MATN2: variants seen among roughly 807,000 people sequenced by gnomAD.
MATN2 encodes matrilin 2, also known as matrilin-2.
MATN2 carries 69 observed loss-of-function variants against 103.2 expected under a neutral mutation model. The observed-to-expected ratio is 0.67, with a 90% confidence interval of 0.55 to 0.82. The LOEUF (loss-of-function observed/expected upper bound fraction) is 0.82, where lower values mean the gene tolerates loss of function less well. MATN2 is among the 40% of genes least tolerant of loss of function. The probability of loss-of-function intolerance (pLI) is 0.00; values close to 1 mark genes in which losing one functional copy is unlikely to be tolerated. For missense variants in MATN2, 1,023 were observed against 1,211.5 expected (o/e 0.84, Z 2.31); for synonymous variants, 429 against 450.2 (o/e 0.95, Z 0.60).
Position 98,018,762 on chromosome 8 carries a change from C to T in MATN2, c.1819+646C>T, listed in dbSNP as rs181642170. 1.4e-3 allele frequency among the ~76,000 whole-genome samples: 214 copies of T among 152,090 alleles called. 2 individuals are homozygous for T. Among genetic ancestry groups the T allele is most frequent in the African/African-American group, 4.8e-3 (200 of 41,488 alleles). ...CACAATCAGAATAGCACAGGAAAGC[C>T]CCGTCCCCATGATTCAATTACCTCC... On this transcript the variant is annotated intron_variant, in intron 12 of 18. Transcript: ENST00000254898.
chr8:97,919,359 A>G (rs1488932417), intron 2 of MATN2, among the ~76,000 whole-genome samples: 2 of 152,056 alleles, frequency 1.3e-5, no homozygotes, highest in Admixed American at 1.3e-4. Context: ...CAGCCTCCCG[A>G]GTAGCTGGGA....
intron 1 of MATN2, among the ~76,000 whole-genome samples, chr8:97,877,094 C>A (rs185349454): frequency 6.6e-6 from 1 of 151,426 alleles, no homozygotes; most frequent in Admixed American, 6.6e-5. Context: ...CAGCCTCAAC[C>A]TCCTGGTGCT....
At chr8:98,027,970 C>T (rs1586172890) in intron 14 of MATN2, 141 bp downstream of exon 14, 1 of 796,146 alleles carries the variant, frequency 1.3e-6, no homozygotes, top group Non-Finnish European at 1.9e-6. Flanking sequence ...TACATCTTTA[C>T]TACCCTGCCA....
At chr8:97,988,418 G>A (rs899289830) in intron 6 of MATN2, among the ~76,000 whole-genome samples, 1 of 151,592 alleles carries the variant, frequency 6.6e-6, no homozygotes, top group Non-Finnish European at 1.5e-5. Flanking sequence ...TTGAGTCCAG[G>A]AGTTCTAGAT....
chr8:97,938,456 G>A (rs1810451942), intron 3 of MATN2, among the ~76,000 whole-genome samples: 1 of 152,178 alleles, frequency 6.6e-6, no homozygotes, highest in Admixed American at 6.5e-5. Context: ...TGTTTAAAGT[G>A]AGACCCAGTC....
intron 4 of MATN2, among the ~76,000 whole-genome samples, chr8:97,956,145 G>A (rs1364278497): frequency 2.0e-5 from 3 of 152,196 alleles, no homozygotes; most frequent in Non-Finnish European, 4.4e-5. Context: ...CTTATAGGCA[G>A]AGAGTAGGTA....
intron 2 of MATN2, 83 bp downstream of exon 2, chr8:97,888,325 GAGA>G: frequency 1.5e-6 from 2 of 1,358,594 alleles, no homozygotes; most frequent in Non-Finnish European, 1.9e-6. Flanking sequence ...GTGACTGTTT[GAGA>G]AGCTTTCCTT....
intron 12 of MATN2, among the ~76,000 whole-genome samples, chr8:98,020,345 C>T (rs983424401): frequency 6.6e-6 from 1 of 152,102 alleles, no homozygotes; most frequent in African/African-American, 2.4e-5. Context: ...ATGGTTTCAC[C>T]ATGTTGCCCA....
At chr8:97,874,270 T>C (rs1382338374) in intron 1 of MATN2, among the ~76,000 whole-genome samples, 1 of 152,200 alleles carries the variant, frequency 6.6e-6, no homozygotes, top group Non-Finnish European at 1.5e-5. Context: ...TTTGTTCCCC[T>C]GCCTTTTCCA....
intron 2 of MATN2, among the ~76,000 whole-genome samples, chr8:97,930,385 AT>A (rs1196944117): frequency 6.6e-6 from 1 of 152,246 alleles, no homozygotes; most frequent in African/African-American, 2.4e-5. Flanking sequence ...GTTTGGTTAC[AT>A]AAAAACTGCA....
intron 13 of MATN2, among the ~76,000 whole-genome samples, chr8:98,021,662 G>A (rs191551486): frequency 3.2e-4 from 47 of 147,676 alleles, no homozygotes; most frequent in Non-Finnish European, 6.0e-4. Flanking sequence ...AAAAGAGATG[G>A]ATCAACAGTT....
At position 98,027,564 on chromosome 8, in the gene MATN2, C is replaced by G. The variant is rs1407958077; in HGVS notation, c.2091C>G (p.Leu697=). 5.0e-6 allele frequency: 8 copies of G among 1,613,910 alleles called. No homozygotes were observed. The highest frequency in any genetic ancestry group is 6.8e-6 in the Non-Finnish European group (8 of 1,179,880). Residue 697 remains leucine, a synonymous_variant, in exon 14 of 19, where the codon CTC becomes CTG. Transcript: ENST00000254898. ...CCAAAGCCGCTCGAGTGGGGCTGCT[C>G]CAGTATTCCACACAGGTCCACACAG... The part of the protein sequence containing the change: ...ISPKAARVGL[L]QYSTQVHTEF...
At chr8:97,923,871 T>A (rs1809898800) in intron 2 of MATN2, among the ~76,000 whole-genome samples, 1 of 152,210 alleles carries the variant, frequency 6.6e-6, no homozygotes, top group Non-Finnish European at 1.5e-5. Flanking sequence ...TTCAGCCACC[T>A]TCTTCTCTTA....
In MATN2 at chr8:97,994,565, A is replaced by G. The variant is rs1328530811; in HGVS notation, c.1167A>G (p.Lys389=). 5 of 1,613,648 alleles carry G rather than the reference A, an allele frequency of 3.1e-6. No homozygotes were observed. In the African/African-American group the frequency reaches 5.3e-5, roughly 17 times the overall value. The change falls in exon 7 of 19, where the codon AAA becomes AAG. Residue 389 remains lysine (K), a synonymous_variant. Coordinates refer to ENST00000254898, the MANE Select transcript of MATN2 (RefSeq NM_002380.5). ...ATTCCTATTCCTGCCACTGCCTGAA[A>G]GGCTTTACCCTGAATCCAGATAAGA... ...TDDSYSCHCL[K]GFTLNPDKKT...
intron 3 of MATN2, among the ~76,000 whole-genome samples, chr8:97,940,747 A>G (rs1409994008): frequency 6.6e-6 from 1 of 152,240 alleles, no homozygotes; most frequent in Non-Finnish European, 1.5e-5. Context: ...AATTTTAAAT[A>G]CAATCAAGTT....
At chr8:97,948,992 T>C (rs1332883592) in intron 4 of MATN2, among the ~76,000 whole-genome samples, 1 of 152,132 alleles carries the variant, frequency 6.6e-6, no homozygotes, top group Admixed American at 6.5e-5. Flanking sequence ...TATAAGGAAT[T>C]CTTAGCTCAG....
At chr8:97,960,565 T>G (rs553126761) in intron 4 of MATN2, among the ~76,000 whole-genome samples, 1 of 152,346 alleles carries the variant, frequency 6.6e-6, no homozygotes, top group Non-Finnish European at 1.5e-5. Context: ...AATAAATATT[T>G]GACCAAAATA....
At chr8:97,963,194 T>C (rs768326217) in intron 5 of MATN2, among the ~76,000 whole-genome samples, 4 of 152,222 alleles carry the variant, frequency 2.6e-5, no homozygotes, top group Non-Finnish European at 5.9e-5. Flanking sequence ...GAGGTCACAC[T>C]GTCTATTTTG....
intron 12 of MATN2, 96 bp from the exon 13 acceptor site, chr8:98,021,109 A>T: frequency 8.0e-7 from 1 of 1,245,284 alleles, no homozygotes; most frequent in Non-Finnish European, 1.1e-6. Flanking sequence ...TATTTTCTTT[A>T]AAAGAGATTA....
Sources: gnomAD v4.1 joint callset for allele counts (sites outside exome capture counted in the v4.1 genomes callset) on GRCh38, gnomAD v4.1.1 for gene constraint, MANE v1.5 for transcripts, NCBI Gene and HGNC (gene_info 2026-07-23, HGNC 2026-07-21) for gene names.